The following EML6 variants were observed in gnomAD, a reference collection of about 807,000 sequenced individuals.
The protein encoded by EML6 is EMAP like 6.
A neutral mutation model predicts 240.1 loss-of-function variants in EML6; 154 were observed. The ratio of observed to expected loss-of-function variants is 0.64; its 90% CI spans 0.56 to 0.73. The LOEUF (loss-of-function observed/expected upper bound fraction) is 0.73, where lower values mean the gene tolerates loss of function less well. EML6 is among the 30% of genes least tolerant of loss of function. EML6 has a pLI of 0.00. For missense variants in EML6, 2,964 were observed against 2,474.6 expected (o/e 1.20, Z -4.20); for synonymous variants, 1,148 against 899.0 (o/e 1.28, Z -4.95).
At chr2:54,955,856 C>G (rs1053585019) in intron 32 of EML6, among the ~76,000 whole-genome samples, 4 of 152,236 alleles carry the variant, frequency 2.6e-5, no homozygotes, top group Non-Finnish European at 4.4e-5. Flanking sequence ...TGACCACGGA[C>G]ATGTCATTTC....
chr2:54,936,722 A>G (rs573527018), intron 28 of EML6, among the ~76,000 whole-genome samples: 1 of 152,288 alleles, frequency 6.6e-6, no homozygotes, highest in Non-Finnish European at 1.5e-5. Context: ...GAATAAATGA[A>G]TGTTAGACTT....
chr2:54,865,566 C>G (rs971544195), intron 13 of EML6, among the ~76,000 whole-genome samples: 5 of 152,178 alleles, frequency 3.3e-5, no homozygotes, highest in African/African-American at 1.2e-4. Context: ...TCTCCAAAAT[C>G]CAAAACTTCG....
At chr2:54,808,959 T>G (rs183823254) in intron 2 of EML6, among the ~76,000 whole-genome samples, 1 of 152,334 alleles carries the variant, frequency 6.6e-6, no homozygotes, top group African/African-American at 2.4e-5. Context: ...CCAACAGAAC[T>G]AGGTTTATAT....
chr2:54,862,458 T>C (rs569395183), intron 12 of EML6, among the ~76,000 whole-genome samples: 59 of 148,048 alleles, frequency 4.0e-4, no homozygotes, highest in Non-Finnish European at 8.0e-4. Flanking sequence ...ACAGTGAACT[T>C]GGAAAGACAG....
At chr2:54,934,860 T>C (rs940879641) in intron 28 of EML6, among the ~76,000 whole-genome samples, 1 of 152,186 alleles carries the variant, frequency 6.6e-6, no homozygotes, top group South Asian at 2.1e-4. Flanking sequence ...TCAAAAAATA[T>C]ATTTTTTTAC....
chr2:54,869,504 A>C, intron 15 of EML6, 137 bp downstream of exon 15: 1 of 714,052 alleles, frequency 1.4e-6, no homozygotes, highest in Non-Finnish European at 2.3e-6. Context: ...TGATCATTGG[A>C]TCCTTCCAAG....
intron 14 of EML6, 40 bp from the exon 15 acceptor site, chr2:54,869,141 T>C: frequency 7.0e-7 from 1 of 1,420,048 alleles, no homozygotes; most frequent in Non-Finnish European, 9.6e-7. Context: ...GCATTTGCTG[T>C]TTGTTCAACC....
At chr2:54,958,754 T>A (rs1161704997) in intron 33 of EML6, among the ~76,000 whole-genome samples, 2 of 152,188 alleles carry the variant, frequency 1.3e-5, no homozygotes, top group Non-Finnish European at 2.9e-5. Context: ...TTTCTCCCTC[T>A]TGTAGAGGAG....
intron 2 of EML6, among the ~76,000 whole-genome samples, chr2:54,799,858 C>G (rs915821440): frequency 1.3e-5 from 2 of 152,226 alleles, no homozygotes; most frequent in Non-Finnish European, 2.9e-5. Context: ...CAGTTTGTTA[C>G]TAGATAGAGC....
intron 7 of EML6, among the ~76,000 whole-genome samples, chr2:54,829,720 A>G (rs909035973): frequency 6.6e-6 from 1 of 152,218 alleles, no homozygotes; most frequent in Admixed American, 6.5e-5. Context: ...GAGGTTTCTT[A>G]GGAGATGGGA....
At chr2:54,953,828 G>C (rs4671998) in intron 31 of EML6, among the ~76,000 whole-genome samples, 155 bp from the exon 32 acceptor site, 1 of 150,984 alleles carries the variant, frequency 6.6e-6, no homozygotes, top group African/African-American at 2.4e-5. Context: ...TGGAGGTTGC[G>C]GTGAGCTGAG....
At chr2:54,826,485 A>C (rs1299364392) in intron 5 of EML6, among the ~76,000 whole-genome samples, 3 of 152,198 alleles carry the variant, frequency 2.0e-5, no homozygotes, top group Non-Finnish European at 4.4e-5. Context: ...CTGTAGTCCC[A>C]GCTACTCAGG....
intron 16 of EML6, among the ~76,000 whole-genome samples, chr2:54,875,585 T>G (rs1288311314): frequency 6.6e-6 from 1 of 152,232 alleles, no homozygotes; most frequent in African/African-American, 2.4e-5. Flanking sequence ...AGCACAGTTA[T>G]GTGTGAGGAT....
At chr2:54,793,965 G>T (rs984273273) in intron 2 of EML6, among the ~76,000 whole-genome samples, 1 of 152,168 alleles carries the variant, frequency 6.6e-6, no homozygotes, top group Non-Finnish European at 1.5e-5. Flanking sequence ...AGTTGTTACT[G>T]GTTTCCCTGA....
intron 9 of EML6, among the ~76,000 whole-genome samples, chr2:54,848,335 C>G (rs984414398): frequency 5.3e-5 from 8 of 152,164 alleles, no homozygotes; most frequent in Non-Finnish European, 1.0e-4. Flanking sequence ...CCGCTTTGCA[C>G]AGAGAATTCT....
At chr2:54,918,985 A>G (rs1313760843) in intron 26 of EML6, among the ~76,000 whole-genome samples, 1 of 152,138 alleles carries the variant, frequency 6.6e-6, no homozygotes, top group Non-Finnish European at 1.5e-5. Flanking sequence ...TATTTTCCGG[A>G]GCCTATTTGT....
chr2:54,879,237 G>A (rs1671690758), intron 16 of EML6, among the ~76,000 whole-genome samples: 1 of 152,160 alleles, frequency 6.6e-6, no homozygotes, highest in African/African-American at 2.4e-5. Context: ...ATGTCAGGTC[G>A]GCAGTTTACT....
intron 39 of EML6, 98 bp downstream of exon 39, chr2:54,967,201 C>A: frequency 6.4e-6 from 5 of 780,412 alleles, no homozygotes; most frequent in Non-Finnish European, 1.0e-5. Context: ...TCTGAAGAAG[C>A]TGAGAAATGG....
At chr2:54,815,961 G>C (rs2104071564) in intron 3 of EML6, among the ~76,000 whole-genome samples, 1 of 152,214 alleles carries the variant, frequency 6.6e-6, no homozygotes, top group South Asian at 2.1e-4. Context: ...TAATGCAGAA[G>C]GAATGATTAT....
Sources: gnomAD v4.1 joint callset for allele counts (sites outside exome capture counted in the v4.1 genomes callset) on GRCh38, gnomAD v4.1.1 for gene constraint, MANE v1.5 for transcripts, NCBI Gene and HGNC (gene_info 2026-07-23, HGNC 2026-07-21) for gene names.